Variants in GREP1 observed in about 807,000 individuals in gnomAD.
The protein encoded by GREP1 is glycine rich extracellular protein 1.
intron 10 of GREP1, chr16:2,993,183 T>A: frequency 2.8e-6 from 1 of 362,408 alleles, no homozygotes; most frequent in Middle Eastern, 7.0e-4. Context: ...GTTACTGATG[T>A]AGGGGCCTGG....
rs551591958 is a variant in GREP1 at position 2,996,576 on chromosome 16, C to G, written c.712+45C>G. 66 of 399,224 alleles carry G rather than the reference C, an allele frequency of 1.7e-4. 1 individual carries two copies. In the South Asian group the frequency reaches 8.1e-3, roughly 49 times the overall value. 24.7% of individuals were successfully genotyped at this position (399,224 alleles called of 1,614,324 possible). ...GCTCGCGAGGGGTCGGGAGGTGGGA[C>G]GGGAAGAGAGAAGCTGAGGCCACAG... On this transcript the variant is annotated intron_variant, in intron 19 of 34. Transcript: ENST00000573315.
rs1009721520 is a variant in GREP1 at position 2,989,296 on chromosome 16, C to T, written c.101-227C>T. 7 of 392,972 alleles carry T rather than the reference C, an allele frequency of 1.8e-5. No homozygotes were observed. The highest frequency in any genetic ancestry group is 3.1e-5 in the Non-Finnish European group (7 of 222,994). The allele number at this position is 392,972 out of a possible 1,614,324, so 24.3% of individuals were successfully genotyped here. A position where few individuals can be genotyped will look rare whatever the true frequency, so the allele number is the denominator to read the frequency against. On this transcript the variant is annotated intron_variant, in intron 2 of 34. Coordinates refer to ENST00000573315, the Ensembl canonical transcript of GREP1. This position sits in a 1 kb window ranked among gnomAD's most constrained non-coding sequence, Gnocchi z 4.2. ...ACTGCTCACCTCCTCTGCCCTCTACCCTCCTGTGACAGCAGGGAAACTGAG... is the reference window on the plus strand; with the variant it reads ...ACTGCTCACCTCCTCTGCCCTCTACTCTCCTGTGACAGCAGGGAAACTGAG...
chr16:2,988,555 C>A (rs2072382715), intron 1 of GREP1, 35 bp from the exon 2 acceptor site: 2 of 399,082 alleles, frequency 5.0e-6, no homozygotes, highest in Non-Finnish European at 8.8e-6. Context: ...CTCTGGGGTC[C>A]CCAGCCTTGA....
intron 18 of GREP1, among the ~76,000 whole-genome samples, chr16:2,996,104 T>C (rs1369830227): frequency 6.6e-6 from 1 of 152,138 alleles, no homozygotes; most frequent in East Asian, 1.9e-4. Flanking sequence ...GGCTAATTTT[T>C]GTATTTTTGG....
In GREP1 at chr16:2,994,695, C is replaced by G. The variant is rs147950119; in HGVS notation, c.386-3C>G. 7.5e-6 allele frequency: 3 copies of G among 399,082 alleles called. No homozygotes were observed. The highest frequency in any genetic ancestry group is 7.1e-5 in the East Asian group (2 of 28,064). The allele number at this position is 399,082 out of a possible 1,614,324, so 24.7% of individuals were successfully genotyped here. ...GGGCCTTAACCCTTTCTCTCCTCCA[C>G]AGGCCCCACCACTCAAAATGGCTAT... On this transcript the variant is annotated splice_region_variant and splice_polypyrimidine_tract_variant and intron_variant, in intron 10 of 34. Transcript: ENST00000573315.
chr16:2,995,835 C>T (rs1402754867), intron 17 of GREP1, 64 bp downstream of exon 17: 13 of 398,486 alleles, frequency 3.3e-5, no homozygotes, highest in Non-Finnish European at 5.7e-5. Context: ...AAGCACTCTA[C>T]TCATGCTCCC....
intron 29 of GREP1, 25 bp downstream of exon 26, chr16:3,000,143 C>T (rs1472770739): frequency 2.5e-6 from 1 of 399,032 alleles, no homozygotes; most frequent in Non-Finnish European, 4.4e-6. Context: ...GCCCCCGACC[C>T]ATGTTGAGCG....
At chr16:2,998,560 G>A (rs1296504726) in intron 25 of GREP1, 37 bp downstream of exon 23, 7 of 399,082 alleles carry the variant, frequency 1.8e-5, no homozygotes, top group Non-Finnish European at 3.1e-5. Flanking sequence ...GGCCCAGGAG[G>A]AAGGGAGAGG....
Position 2,988,653 on chromosome 16 carries a change from AAG to A in GREP1, c.100+34_100+35del, listed in dbSNP as rs999033199. 1.8e-4 allele frequency: 73 copies of A among 399,106 alleles called. 1 individual carries two copies. The highest frequency in any genetic ancestry group is 2.8e-4 in the Non-Finnish European group (64 of 226,212). The allele number at this position is 399,106 out of a possible 1,614,324, so 24.7% of individuals were successfully genotyped here. A position where few individuals can be genotyped will look rare whatever the true frequency, so the allele number is the denominator to read the frequency against. ...TGGGCCCTCTGGCACTGGGGTCAGG[AAG>A]AGTCTCCCATCTCTCCTGCCCTGGG... is the stretch of plus-strand genomic sequence containing the variant. On this transcript the variant is annotated intron_variant, in intron 2 of 34. Coordinates refer to ENST00000573315, the Ensembl canonical transcript of GREP1.
intron 18 of GREP1, among the ~76,000 whole-genome samples, 159 bp from the exon 18 acceptor site, chr16:2,996,337 G>A (rs144905492): frequency 6.6e-6 from 1 of 152,266 alleles, no homozygotes; most frequent in Non-Finnish European, 1.5e-5. Flanking sequence ...CCACTGGCTG[G>A]CCGGATGTGG....
At chr16:2,988,813 A>G (rs915982188) in intron 2 of GREP1, 191 bp downstream of exon 2, 21 of 395,806 alleles carry the variant, frequency 5.3e-5, no homozygotes, top group Non-Finnish European at 7.6e-5. Flanking sequence ...CTCTCAGAAG[A>G]GTCTCCCGGG....
chr16:2,999,326 C>T (rs1378690306), intron 27 of GREP1: 2 of 398,612 alleles, frequency 5.0e-6, no homozygotes, highest in Admixed American at 4.4e-5. Context: ...CCCCCAGGCC[C>T]CACATCCCAG....
In GREP1 at chr16:2,995,604, C is replaced by A; in HGVS notation, c.554-15C>A. Reference sequence around the variant, plus strand: ...CCAAACCCCAAATCCCCACCCCACCCTCCTCTCCCCATAGTCTTGACAGCC... The same window carrying A: ...CCAAACCCCAAATCCCCACCCCACCATCCTCTCCCCATAGTCTTGACAGCC... On this transcript the variant is annotated splice_polypyrimidine_tract_variant and intron_variant, in intron 15 of 34. Transcript: ENST00000573315. 2.5e-6 allele frequency: 1 copy of A among 398,856 alleles called. No homozygotes were observed. Among genetic ancestry groups the A allele is most frequent in the South Asian group, 1.3e-4 (1 of 7,704 alleles). 24.7% of individuals were successfully genotyped at this position (398,856 alleles called of 1,614,324 possible).
At chr16:3,001,184 C>T (rs868519678) in intron 33 of GREP1, 97 bp from the exon 28 acceptor site, 2 of 399,098 alleles carry the variant, frequency 5.0e-6, no homozygotes, top group East Asian at 7.1e-5. Context: ...CTGGGCCCTC[C>T]GGGGAGGGGG....
intron 33 of GREP1, among the ~76,000 whole-genome samples, 179 bp from the exon 28 acceptor site, chr16:3,001,102 A>G (rs2072459569): frequency 6.6e-6 from 1 of 151,958 alleles, no homozygotes; most frequent in Non-Finnish European, 1.5e-5. Context: ...AACGAGGGCC[A>G]TCACGGACTC....
chr16:2,997,727 G>C (rs955840574), intron 22 of GREP1, 76 bp from the exon 21 acceptor site: 9 of 398,486 alleles, frequency 2.3e-5, no homozygotes, highest in Non-Finnish European at 1.8e-5. Flanking sequence ...ACCAGGTGGG[G>C]GACAGATGCC....
intron 19 of GREP1, 68 bp downstream of exon 18, chr16:2,996,599 CAG>C: frequency 2.5e-6 from 1 of 399,310 alleles, no homozygotes; most frequent in Non-Finnish European, 4.4e-6. Flanking sequence ...GCTGAGGCCA[CAG>C]GGACAGAGAG....
chr16:2,998,376 C>T (rs965945178), exon 24 of GREP1: 3 of 399,262 alleles, frequency 7.5e-6, no homozygotes, highest in Non-Finnish European at 8.8e-6. Flanking sequence ...GACCTTGAAG[C>T]CTCAGAAGTC....
exon 18 of GREP1, chr16:2,995,871 C>G (rs1025730547): frequency 2.5e-6 from 1 of 398,436 alleles, no homozygotes; most frequent in African/African-American, 2.1e-5. Context: ...TGGGAAAAGG[C>G]TGAGAGCAGG....
Sources: gnomAD v4.1 joint callset for allele counts (sites outside exome capture counted in the v4.1 genomes callset) on GRCh38, gnomAD v4.1.1 for gene constraint, Gnocchi (gnomAD v3.1) non-coding constraint, MANE v1.5 for transcripts, NCBI Gene and HGNC (gene_info 2026-07-23, HGNC 2026-07-21) for gene names.